Variants in AASS observed in about 807,000 individuals in gnomAD.
AASS encodes alpha-aminoadipic semialdehyde synthase, mitochondrial.
A neutral mutation model predicts 105.4 loss-of-function variants in AASS; 86 were observed. The observed-to-expected ratio is 0.82, with a 90% CI of 0.69 to 0.98. AASS has a LOEUF of 0.98. AASS is among the 50% of genes least tolerant of loss of function. AASS has a pLI of 0.00. For missense variants in AASS, 1,048 were observed against 1,143.2 expected, an observed-to-expected ratio of 0.92 and a Z score of 1.20; for synonymous variants, 381 against 394.8, an observed-to-expected ratio of 0.96 and a Z score of 0.41.
intron 1 of AASS, among the ~76,000 whole-genome samples, chr7:122,137,926 C>G (rs965425145): frequency 7.2e-5 from 11 of 151,890 alleles, no homozygotes; most frequent in East Asian, 1.9e-4. Context: ...GCTTGTAACA[C>G]AAGCAAGGAG....
intron 1 of AASS, among the ~76,000 whole-genome samples, chr7:122,141,650 T>A (rs1796403605): frequency 1.1e-5 from 1 of 88,546 alleles, no homozygotes; most frequent in African/African-American, 4.5e-5. Flanking sequence ...CACATCCCCC[T>A]AACCCTGCAA....
At chr7:122,101,126 C>T (rs942093210) in intron 13 of AASS, among the ~76,000 whole-genome samples, 7 of 151,370 alleles carry the variant, frequency 4.6e-5, no homozygotes, top group African/African-American at 1.5e-4. Flanking sequence ...TTTTTGCTTG[C>T]TTACCCATAC....
chr7:122,098,745 C>T lies in AASS; in HGVS notation c.1528G>A (p.Gly510Arg), dbSNP rs759254083. 26 of 1,607,010 alleles carry T rather than the reference C, an allele frequency of 1.6e-5. No homozygotes were observed. Among genetic ancestry groups the T allele is most frequent in the Non-Finnish European group, 1.9e-5 (22 of 1,176,224 alleles). The part of the protein sequence containing the change: ...SRDGNIEITV[G>R]SDMKNQIEQL... ...TCTTCAAAAATTAGGGCTTATTTAC[C>T]TACTGTTATTTCTATATTGCCATCT... Residue 510 changes from glycine to arginine, a missense_variant and splice_region_variant, in exon 14 of 24, where the codon GGA (glycine) becomes AGA (arginine). Coordinates refer to ENST00000417368, the MANE Select transcript of AASS (RefSeq NM_005763.4).
At chr7:122,142,527 T>A (rs559018707) in intron 1 of AASS, among the ~76,000 whole-genome samples, 1 of 152,362 alleles carries the variant, frequency 6.6e-6, no homozygotes, top group East Asian at 1.9e-4. Context: ...ATTACCATTT[T>A]AATGTTGTAT....
At chr7:122,116,792 G>A (rs762928537) in intron 7 of AASS, 32 bp from the exon 8 acceptor site, 2 of 1,613,608 alleles carry the variant, frequency 1.2e-6, no homozygotes, top group South Asian at 1.1e-5. Flanking sequence ...AGTAAAGTGG[G>A]TGACAAATAA....
intron 1 of AASS, among the ~76,000 whole-genome samples, chr7:122,140,485 CAAA>C (rs57828681): frequency 7.5e-4 from 28 of 37,334 alleles, no homozygotes; most frequent in South Asian, 5.0e-3. Context: ...GACTCAGTCT[CAAA>C]AAAAAAAAAA....
intron 19 of AASS, chr7:122,082,797 G>T: frequency 1.6e-6 from 2 of 1,287,190 alleles, no homozygotes; most frequent in South Asian, 2.5e-5. Flanking sequence ...CATAGATGGG[G>T]CTGGGTGGTT....
At chr7:122,140,484 T>TGAAAAAAA (rs1345304559) in intron 1 of AASS, among the ~76,000 whole-genome samples, 1 of 14,846 alleles carries the variant, frequency 6.7e-5, no homozygotes, top group Non-Finnish European at 9.8e-5. Flanking sequence ...AGACTCAGTC[T>TGAAAAAAA]CAAAAAAAAA....
At chr7:122,131,188 A>T (rs1795900334) in intron 2 of AASS, among the ~76,000 whole-genome samples, 1 of 151,928 alleles carries the variant, frequency 6.6e-6, no homozygotes, top group Admixed American at 6.6e-5. Flanking sequence ...TAAATCAAAA[A>T]TGGGAAAGCA....
chr7:122,107,950 CAAAA>C (rs71172163), intron 11 of AASS, among the ~76,000 whole-genome samples: 5 of 107,950 alleles, frequency 4.6e-5, no homozygotes, highest in Admixed American at 9.5e-5. Context: ...ACCCACAACT[CAAAA>C]AAAAAAAAAA....
At position 122,113,184 on chromosome 7, in the gene AASS, C is replaced by A; in HGVS notation, c.1212G>T (p.Pro404=). Residue 404 remains proline, a synonymous_variant, in exon 11 of 24, where the codon CCG becomes CCT. Coordinates refer to ENST00000417368, the MANE Select transcript of AASS (RefSeq NM_005763.4). The part of the protein sequence containing the change: ...GILMCSIDNL[P]AQLPIEATEC... The stretch of plus-strand genomic sequence containing the variant: ...CTGTAGCTTCAATTGGGAGCTGTGC[C>A]GGCAAATTGTCAATGGAACACATCA... 2 of 1,614,022 alleles carry A rather than the reference C, an allele frequency of 1.2e-6. No individual in the cohort carries two copies. Among genetic ancestry groups the A allele is most frequent in the Non-Finnish European group, 1.7e-6 (2 of 1,179,970 alleles).
In AASS at chr7:122,126,385, A is replaced by C. The variant is rs762486140; in HGVS notation, c.462T>G (p.Ala154=). The C allele has an allele frequency of 6.2e-7, 1 of 1,614,008 alleles. No individual in the cohort carries two copies. Among genetic ancestry groups the C allele is most frequent in the Admixed American group, 1.7e-5 (1 of 60,020 alleles). Residue 154 remains alanine, a synonymous_variant, in exon 4 of 24, where the codon GCT becomes GCG. Coordinates refer to ENST00000417368, the MANE Select transcript of AASS (RefSeq NM_005763.4). ...CCCTGGCATACTTACCTGCCACACC[A>C]GCCCACTGTCCAAATGCCACTACCC... ...GVRVVAFGQW[A]GVAGMINILH...
At chr7:122,134,018 T>G (rs1796031840) in intron 1 of AASS, among the ~76,000 whole-genome samples, 1 of 152,206 alleles carries the variant, frequency 6.6e-6, no homozygotes, top group Admixed American at 6.5e-5. Context: ...AAATACACAT[T>G]TTATCAAACA....
At chr7:122,093,305 G>A (rs1000242950) in intron 15 of AASS, 147 bp from the exon 16 acceptor site, 25 of 716,422 alleles carry the variant, frequency 3.5e-5, no homozygotes, top group Non-Finnish European at 6.3e-5. Context: ...CTGTTGGTGG[G>A]AATGTAAATT....
At chr7:122,140,301 C>T (rs549078939) in intron 1 of AASS, among the ~76,000 whole-genome samples, 67 of 151,456 alleles carry the variant, frequency 4.4e-4, no homozygotes, top group African/African-American at 1.4e-3. Flanking sequence ...CTGGCTGACA[C>T]GGTGAAACCC....
At chr7:122,139,768 C>T (rs73224339) in intron 1 of AASS, among the ~76,000 whole-genome samples, 33,858 of 151,888 alleles carry the variant, frequency 0.22, 4,007 homozygotes, top group African/African-American at 0.31. Flanking sequence ...GCCTAGGCAA[C>T]ATGCAAAACC....
At chr7:122,117,185 T>G (rs988481431) in intron 6 of AASS, among the ~76,000 whole-genome samples, 1 of 152,206 alleles carries the variant, frequency 6.6e-6, no homozygotes, top group Non-Finnish European at 1.5e-5. Context: ...TTTTTTCTTT[T>G]TTACTTAAGC....
Position 122,076,159 on chromosome 7 carries a change from G to C in AASS, c.*330C>G, listed in dbSNP as rs1257980860. 3.4e-6 allele frequency: 1 copy of C among 293,208 alleles called. No individual in the cohort carries two copies. Among genetic ancestry groups the C allele is most frequent in the Non-Finnish European group, 6.5e-6 (1 of 153,158 alleles). The allele number at this position is 293,208 out of a possible 1,614,324, so 18.2% of individuals were successfully genotyped here. A position where few individuals can be genotyped will look rare whatever the true frequency, so the allele number is the denominator to read the frequency against. On this transcript the variant is annotated 3_prime_UTR_variant, in exon 24 of 24. Coordinates refer to ENST00000417368, the MANE Select transcript of AASS (RefSeq NM_005763.4). The stretch of plus-strand genomic sequence containing the variant: ...ACTGCACTCCAGCCTGGGTGACAGA[G>C]CGAGACTCCATCTCAAAAAACAACA...
chr7:122,083,634 A>G (rs1442325506), intron 19 of AASS, among the ~76,000 whole-genome samples: 1 of 152,126 alleles, frequency 6.6e-6, no homozygotes, highest in Non-Finnish European at 1.5e-5. Context: ...GTACAGTATT[A>G]TATTAATAGG....
Sources: gnomAD v4.1 joint callset for allele counts (sites outside exome capture counted in the v4.1 genomes callset) on GRCh38, gnomAD v4.1.1 for gene constraint, MANE v1.5 for transcripts, NCBI Gene and HGNC (gene_info 2026-07-23, HGNC 2026-07-21) for gene names.